The following PARP10 variants were observed in gnomAD, a reference collection of about 807,000 sequenced individuals.
PARP10 encodes the protein protein mono-ADP-ribosyltransferase PARP10.
Under a neutral mutation model 82.4 loss-of-function variants are expected in PARP10, and 56 were observed. The observed-to-expected ratio is 0.68, with a 90% CI of 0.55 to 0.85. The LOEUF (loss-of-function observed/expected upper bound fraction) is 0.85. Among genes scored for constraint, PARP10 ranks in the 40% least tolerant of loss-of-function variants. The pLI is 0.00. For synonymous variants in PARP10, 576 were observed against 601.1 expected (o/e 0.96, Z 0.61); for missense variants, 1,227 against 1,379.4 (o/e 0.89, Z 1.75).
upstream of PARP10, chr8:143,992,843 C>A: frequency 1.2e-6 from 2 of 1,612,568 alleles, no homozygotes; most frequent in Non-Finnish European, 1.7e-6. Context: ...AAGGAGTAGC[C>A]GAGCTCCAGC....
In PARP10 at chr8:144,008,413, C is replaced by T. The variant is rs571131327; in HGVS notation, c.-80+4117G>A. Among the ~76,000 whole-genome samples the T allele has an allele frequency of 2.7e-4, 41 of 152,282 alleles. No homozygotes were observed. Among genetic ancestry groups the T allele is most frequent in the Admixed American group, 2.5e-3 (38 of 15,298 alleles). ...GGCCTTGCCAAGCTGAAATGCTGAG[C>T]GGAATCAAATGAGGCAAATTTGAAT... On this transcript the variant is annotated intron_variant, in intron 1 of 3. Transcript: ENST00000530478. The surrounding 1 kb of genome is among the most constrained non-coding windows in gnomAD (Gnocchi z 4.0).
At chr8:143,978,623 C>A (rs1162355119) in intron 9 of PARP10, among the ~76,000 whole-genome samples, 1 of 152,226 alleles carries the variant, frequency 6.6e-6, no homozygotes, top group Non-Finnish European at 1.5e-5. Context: ...GAAAGGGACG[C>A]TGAGCTAAAT....
chr8:143,987,862 A>G (rs1444049309), upstream of PARP10, among the ~76,000 whole-genome samples: 1 of 151,848 alleles, frequency 6.6e-6, no homozygotes, highest in African/African-American at 2.4e-5. Flanking sequence ...CTGCACTCCA[A>G]CCAAGGTGAT....
intron 1 of PARP10, among the ~76,000 whole-genome samples, chr8:144,005,982 C>T (rs1369935667): frequency 1.3e-5 from 2 of 152,236 alleles, no homozygotes; most frequent in Admixed American, 1.3e-4. Context: ...TCTCCCCGCA[C>T]TGGTAAGAGA....
rs1833926806 is a variant in PARP10, at chr8:143,984,030, A to G, written c.1755T>C (p.Gly585=). The G allele has an allele frequency of 1.3e-6, 2 of 1,520,646 alleles. No individual in the cohort carries two copies. The highest frequency in any genetic ancestry group is 1.4e-5 in the African/African-American group (1 of 71,668). The allele number at this position is 1,520,646 out of a possible 1,614,324, so 94.2% of individuals were successfully genotyped here. A position where few individuals can be genotyped will look rare whatever the true frequency, so the allele number is the denominator to read the frequency against. ...HTLWTPDSTG[G]DQEDVSLEEV... is the part of the protein sequence containing the mutation. ...TACCCAGGCTCACGTCCTCCTGGTC[A>G]CCACCTGTACTGTCTGGGGTCCACA... The change falls in exon 7 of 11, where the codon GGT becomes GGC. Residue 585 remains glycine (G), a synonymous_variant. Transcript: ENST00000313028.
At chr8:143,993,811 A>C (rs1554750988), upstream of PARP10, among the ~76,000 whole-genome samples, 1 of 152,178 alleles carries the variant, frequency 6.6e-6, no homozygotes, top group Non-Finnish European at 1.5e-5. Context: ...TGTGCAGTCC[A>C]TCTGTGTGGG....
In PARP10 at chr8:143,982,997, G is replaced by C; in HGVS notation, c.2491C>G (p.Gln831Glu). ...ERLAENTGEF[Q>E]EVVRAFYDTL... is the part of the protein sequence containing the mutation. ...TCGTAGAAGGCCCGCACCACCTCCT[G>C]GAACTCCCCGGTGTTCTCTGCCAGA... The change falls in exon 9 of 11, where the codon CAG becomes GAG. Residue 831 changes from glutamine to glutamate, a missense_variant. Coordinates refer to ENST00000313028, the MANE Select transcript of PARP10 (RefSeq NM_032789.5). The C allele has an allele frequency of 1.9e-6, 3 of 1,613,938 alleles. No individual in the cohort carries two copies. Among genetic ancestry groups the C allele is most frequent in the Non-Finnish European group, 2.5e-6 (3 of 1,180,024 alleles).
At chr8:143,983,869 A>G (rs11989052) in intron 7 of PARP10, 58 bp from the exon 8 acceptor site, 641,262 of 1,521,320 alleles carry the variant, frequency 0.42, 139,150 homozygotes, top group African/African-American at 0.6. Context: ...GTTGGAATGG[A>G]TGAAAGATGG....
intron 1 of PARP10, among the ~76,000 whole-genome samples, chr8:144,003,745 G>A (rs1554751860): frequency 6.6e-6 from 1 of 152,124 alleles, no homozygotes; most frequent in African/African-American, 2.4e-5. Flanking sequence ...TCTGCATAGG[G>A]GCCGGCGCAG....
At chr8:144,009,715 G>A (rs1834260307) in intron 1 of PARP10, among the ~76,000 whole-genome samples, 1 of 152,106 alleles carries the variant, frequency 6.6e-6, no homozygotes, top group South Asian at 2.1e-4. Flanking sequence ...TCTAAACTTG[G>A]TTTTCCTTCC....
upstream of PARP10, chr8:143,989,997 G>T (rs1273962151): frequency 1.5e-5 from 2 of 132,222 alleles, no homozygotes; most frequent in African/African-American, 5.7e-5. The surrounding 1 kb of genome is among the most constrained non-coding windows in gnomAD (Gnocchi z 4.3). Context: ...CGGAAGCCCC[G>T]CCCACCTGCC....
Position 143,977,179 on chromosome 8 carries a change from G to A in PARP10, c.*305C>T, listed in dbSNP as rs1219878119. ...AGAGTTCCCGGGTCCCTTCCGCCTG[G>A]GTTCACGTTCACGTTTATTCAAACA... On this transcript the variant is annotated 3_prime_UTR_variant, in exon 11 of 11. Coordinates refer to ENST00000313028, the MANE Select transcript of PARP10 (RefSeq NM_032789.5). The A allele has an allele frequency of 2.8e-5, 11 of 392,854 alleles. No individual in the cohort carries two copies. Among genetic ancestry groups the A allele is most frequent in the Non-Finnish European group, 9.1e-6 (2 of 219,486 alleles). 24.3% of individuals were successfully genotyped at this position (392,854 alleles called of 1,614,324 possible). A position where few individuals can be genotyped will look rare whatever the true frequency, so the allele number is the denominator to read the frequency against.
At position 144,008,977 on chromosome 8, in the gene PARP10, AC is replaced by A. The variant is rs1834252856; in HGVS notation, c.-80+3552del. Among the ~76,000 whole-genome samples, 5 of 152,086 alleles carry A rather than the reference AC, an allele frequency of 3.3e-5. No individual in the cohort carries two copies. The highest frequency in any genetic ancestry group is 3.3e-4 in the Admixed American group (5 of 15,260). ...AGGCTGCAGCTTAACATTCTGGGGG[AC>A]CCTGGGGGTCTTTTGAGGGCCTCTA... On this transcript the variant is annotated intron_variant, in intron 1 of 3. Coordinates refer to the PARP10 transcript ENST00000530478. The surrounding 1 kb of genome is among the most constrained non-coding windows in gnomAD (Gnocchi z 4.0).
intron 1 of PARP10, among the ~76,000 whole-genome samples, chr8:144,006,107 T>G (rs1834235095): frequency 6.6e-6 from 1 of 152,218 alleles, no homozygotes; most frequent in Non-Finnish European, 1.5e-5. Flanking sequence ...CTGGCTGCCT[T>G]GGGCATTTCC....
exon 1 of PARP10, chr8:144,012,626 C>G: frequency 1.3e-6 from 2 of 1,551,710 alleles, no homozygotes; most frequent in Non-Finnish European, 1.7e-6. Context: ...ATCACGAGCT[C>G]AAGTCAGCGA....
At chr8:144,001,473 G>A (rs896389243) in intron 1 of PARP10, among the ~76,000 whole-genome samples, 3 of 152,100 alleles carry the variant, frequency 2.0e-5, no homozygotes, top group African/African-American at 4.8e-5. Context: ...TTGGGAGGCC[G>A]AGGCAGGCGG....
At position 143,984,735 on chromosome 8, in the gene PARP10, A is replaced by AC; in HGVS notation, c.1266dup (p.Ser423ValfsTer41). 1 of 1,612,884 alleles carries AC rather than the reference A, an allele frequency of 6.2e-7. No homozygotes were observed. The highest frequency in any genetic ancestry group is 8.5e-7 in the Non-Finnish European group (1 of 1,179,594). On this transcript the variant is annotated frameshift_variant, in exon 5 of 11. Transcript: ENST00000313028. LOFTEE classifies it high-confidence loss of function. ...CTCACAGGCCCTGCCTTCTCCAGAG[A>AC]CCCCATGGTGATCTCCATGGGACCC... is the stretch of plus-strand genomic sequence containing the variant.
chr8:144,008,375 A>G lies in PARP10; in HGVS notation c.-80+4155T>C, dbSNP rs1554752210. On this transcript the variant is annotated intron_variant, in intron 1 of 3. Transcript: ENST00000530478. This position sits in a 1 kb window ranked among gnomAD's most constrained non-coding sequence, Gnocchi z 4.0. ...GAGAATCCCAAGCCAAGAAAGGGGC[A>G]AAGATCCCTGAAGGCCTTGCCAAGC... 6.6e-6 allele frequency among the ~76,000 whole-genome samples: 1 copy of G among 152,272 alleles called. No homozygotes were observed. Among genetic ancestry groups the G allele is most frequent in the Non-Finnish European group, 1.5e-5 (1 of 68,050 alleles).
At chr8:143,995,286 T>G (rs1834156459), upstream of PARP10, among the ~76,000 whole-genome samples, 1 of 152,030 alleles carries the variant, frequency 6.6e-6, no homozygotes. Flanking sequence ...CATGGGGCTG[T>G]GAACAGGTGA....
Sources: allele counts gnomAD v4.1 joint callset (sites outside exome capture counted in the v4.1 genomes callset), GRCh38; gene constraint gnomAD v4.1.1; non-coding constraint Gnocchi (gnomAD v3.1); transcripts MANE v1.5; gene names NCBI Gene and HGNC (gene_info 2026-07-23, HGNC 2026-07-21).